CSMD1: variants seen among roughly 807,000 people sequenced by gnomAD.
CSMD1 encodes CUB and Sushi multiple domains 1.
Under a neutral mutation model 417.5 loss-of-function variants are expected in CSMD1, and 213 were observed. The observed-to-expected ratio is 0.51, with a 90% CI of 0.46 to 0.57. The LOEUF is 0.57. CSMD1 is among the 20% of genes least tolerant of loss of function. The pLI is 0.00. For synonymous variants in CSMD1, 2,862 were observed against 1,736.8 expected (o/e 1.65, Z -16.11); for missense variants, 6,923 against 4,529.7 (o/e 1.53, Z -15.17).
At chr8:3,362,838 C>A (rs1423393817) in intron 20 of CSMD1, among the ~76,000 whole-genome samples, 1 of 152,198 alleles carries the variant, frequency 6.6e-6, no homozygotes, top group East Asian at 1.9e-4. Flanking sequence ...TTGCATCCTT[C>A]CTGTAGTCTC....
intron 5 of CSMD1, among the ~76,000 whole-genome samples, chr8:3,763,692 T>C (rs1300331495): frequency 6.6e-6 from 1 of 152,178 alleles, no homozygotes; most frequent in Non-Finnish European, 1.5e-5. Context: ...CCTTTGTGGC[T>C]AAACAGTGTC....
rs1198576282 is a variant in CSMD1, at chr8:3,892,232, C to T, written c.818+105671G>A. The stretch of plus-strand genomic sequence containing the variant: ...CAAGGTTAAATTAAAGTGCTGAGGT[C>T]AAGCATTTACTCAGATACCTGAACA... On this transcript the variant is annotated intron_variant, in intron 5 of 69. Coordinates refer to ENST00000635120, the MANE Select transcript of CSMD1 (RefSeq NM_033225.6). Among the ~76,000 whole-genome samples, 3 of 152,138 alleles carry T rather than the reference C, an allele frequency of 2.0e-5. No individual in the cohort carries two copies. The East Asian group carries it at 5.8e-4, about 29-fold the overall frequency.
chr8:3,972,012 T>A (rs1486377388), intron 5 of CSMD1, among the ~76,000 whole-genome samples: 2 of 151,966 alleles, frequency 1.3e-5, no homozygotes, highest in African/African-American at 2.4e-5. Context: ...GCTCAAGTAA[T>A]CCTCCTGCAT....
At chr8:3,450,690 G>A (rs76701995) in intron 12 of CSMD1, among the ~76,000 whole-genome samples, 30,636 of 151,734 alleles carry the variant, frequency 0.2, 4,243 homozygotes, top group East Asian at 0.56. Context: ...TATATGTGCC[G>A]CATTTTCTTA....
intron 2 of CSMD1, among the ~76,000 whole-genome samples, chr8:4,470,974 TTAAATA>T (rs1213604160): frequency 1.3e-5 from 2 of 152,184 alleles, no homozygotes; most frequent in Non-Finnish European, 2.9e-5. Flanking sequence ...TCAGTGTCTT[TTAAATA>T]TATTTGAGCA....
At chr8:4,340,943 G>A (rs1800443207) in intron 3 of CSMD1, among the ~76,000 whole-genome samples, 1 of 152,048 alleles carries the variant, frequency 6.6e-6, no homozygotes, top group South Asian at 2.1e-4. Context: ...CTGAGAGAAT[G>A]TAGTCTGTAC....
At chr8:3,610,804 G>A (rs988194832) in intron 8 of CSMD1, among the ~76,000 whole-genome samples, 5 of 151,980 alleles carry the variant, frequency 3.3e-5, no homozygotes, top group African/African-American at 4.8e-5. Context: ...TGGAAAGGTG[G>A]AATTTTAGAA....
At position 3,323,460 on chromosome 8, in the gene CSMD1, C is replaced by G. The variant is rs1245606813; in HGVS notation, c.3632-14957G>C. Among the ~76,000 whole-genome samples, 3 of 152,282 alleles carry G rather than the reference C, an allele frequency of 2.0e-5. No individual in the cohort carries two copies. The East Asian group carries it at 5.8e-4, about 29-fold the overall frequency. On this transcript the variant is annotated intron_variant, in intron 23 of 69. Transcript: ENST00000635120. Reference sequence around the variant, plus strand: ...GTCCATTCTGAACCCCTCTCTCTCTCTCTCACATACTCCACACCCATGATC... The same window carrying G: ...GTCCATTCTGAACCCCTCTCTCTCTGTCTCACATACTCCACACCCATGATC...
At chr8:4,461,536 C>T (rs1236493585) in intron 2 of CSMD1, among the ~76,000 whole-genome samples, 1 of 110,496 alleles carries the variant, frequency 9.1e-6, no homozygotes, top group Non-Finnish European at 1.7e-5. Flanking sequence ...TGCAAAAATC[C>T]ATATTTTTTT....
chr8:4,767,161 C>G (rs1242070067), intron 1 of CSMD1, among the ~76,000 whole-genome samples: 1 of 152,090 alleles, frequency 6.6e-6, no homozygotes. Flanking sequence ...TTTGGACATA[C>G]CATGTTAATG....
chr8:3,251,979 T>A (rs191006547), intron 26 of CSMD1, among the ~76,000 whole-genome samples: 11 of 152,336 alleles, frequency 7.2e-5, no homozygotes, highest in African/African-American at 2.2e-4. Context: ...GACAATGCGG[T>A]TTTCTAGATA....
chr8:4,570,155 G>T (rs1394429339), intron 2 of CSMD1, among the ~76,000 whole-genome samples: 1 of 152,068 alleles, frequency 6.6e-6, no homozygotes. Context: ...GATTGCCCTG[G>T]CCAGAATTTC....
At chr8:4,416,758 C>G (rs192147529) in intron 3 of CSMD1, among the ~76,000 whole-genome samples, 2 of 152,020 alleles carry the variant, frequency 1.3e-5, no homozygotes, top group Admixed American at 6.6e-5. Context: ...TGTCTCATGT[C>G]AATTTTCTGA....
intron 3 of CSMD1, among the ~76,000 whole-genome samples, chr8:4,046,730 A>C (rs902117184): frequency 6.6e-6 from 1 of 152,194 alleles, no homozygotes; most frequent in African/African-American, 2.4e-5. Flanking sequence ...TAATGATTTA[A>C]ACTTTTTTTC....
chr8:3,768,085 G>C (rs759268477), intron 5 of CSMD1, among the ~76,000 whole-genome samples: 1 of 152,126 alleles, frequency 6.6e-6, no homozygotes, highest in African/African-American at 2.4e-5. Flanking sequence ...ATATGATTTA[G>C]AGTCATATAT....
intron 1 of CSMD1, among the ~76,000 whole-genome samples, chr8:4,710,907 G>C (rs1808250509): frequency 6.6e-6 from 1 of 151,820 alleles, no homozygotes; most frequent in Admixed American, 6.6e-5. Context: ...TACATAACTA[G>C]AAAATGGCCT....
chr8:4,186,285 G>A (rs1402538880), intron 3 of CSMD1, among the ~76,000 whole-genome samples: 5 of 152,194 alleles, frequency 3.3e-5, no homozygotes, highest in African/African-American at 1.2e-4. Flanking sequence ...AAGAGAAGGA[G>A]GCCCGTGTTC....
rs544471020 is a variant in CSMD1, at chr8:3,833,951, T to C, written c.819-79909A>G. On this transcript the variant is annotated intron_variant, in intron 5 of 69. Coordinates refer to ENST00000635120, the MANE Select transcript of CSMD1 (RefSeq NM_033225.6). ...TATTATTGGTTGGTTGTTGCTGTTGTTATTCTTTCAATTCACCTTTCCTAT... is the reference window on the plus strand; with the variant it reads ...TATTATTGGTTGGTTGTTGCTGTTGCTATTCTTTCAATTCACCTTTCCTAT... Among the ~76,000 whole-genome samples, 3 of 152,310 alleles carry C rather than the reference T, an allele frequency of 2.0e-5. No individual in the cohort carries two copies. The East Asian group carries it at 5.8e-4, about 29-fold the overall frequency.
intron 5 of CSMD1, among the ~76,000 whole-genome samples, chr8:3,986,804 G>A (rs898171963): frequency 6.6e-6 from 1 of 151,996 alleles, no homozygotes; most frequent in African/African-American, 2.4e-5. Context: ...TGCCCAGGCT[G>A]GAATGCAGTG....
Sources: allele counts gnomAD v4.1 joint callset (sites outside exome capture counted in the v4.1 genomes callset), GRCh38; gene constraint gnomAD v4.1.1; transcripts MANE v1.5; gene names NCBI Gene and HGNC (gene_info 2026-07-23, HGNC 2026-07-21).